The following LRP8 variants were observed in gnomAD, a reference collection of about 807,000 sequenced individuals.
LRP8 encodes low-density lipoprotein receptor-related protein 8.
In LRP8, 46 loss-of-function variants were observed where a neutral mutation model predicts 111.6. That is an observed-to-expected ratio of 0.41 (90% CI 0.33 to 0.53). The LOEUF (loss-of-function observed/expected upper bound fraction) is 0.53. Ranked by LOEUF, LRP8 falls within the 20% of genes least tolerant of loss-of-function variation. The pLI is 0.20. For missense variants in LRP8, 959 were observed against 1,297.4 expected (o/e 0.74, Z 4.01); for synonymous variants, 464 against 511.2 (o/e 0.91, Z 1.24).
Position 53,275,999 on chromosome 1 carries a change from C to T in LRP8, c.884-246G>A, listed in dbSNP as rs1189902112. On this transcript the variant is annotated intron_variant, in intron 5 of 18. Coordinates refer to ENST00000306052, the MANE Select transcript of LRP8 (RefSeq NM_004631.5). This position sits in a 1 kb window ranked among gnomAD's most constrained non-coding sequence, Gnocchi z 4.4. Reference sequence around the variant, plus strand: ...CTGGCTGGCAGATTCAGGACTAAACCCAGATCTCCTGTTTCCCTGTCCCTG... The same window carrying T: ...CTGGCTGGCAGATTCAGGACTAAACTCAGATCTCCTGTTTCCCTGTCCCTG... Among the ~76,000 whole-genome samples the T allele has an allele frequency of 6.6e-6, 1 of 152,146 alleles. No homozygotes were observed. Among genetic ancestry groups the T allele is most frequent in the East Asian group, 1.9e-4 (1 of 5,154 alleles).
In LRP8 at chr1:53,293,607, C is replaced by T. The variant is rs1649174765; in HGVS notation, c.245-3918G>A. On this transcript the variant is annotated intron_variant, in intron 2 of 18. Coordinates refer to ENST00000306052, the MANE Select transcript of LRP8 (RefSeq NM_004631.5). The surrounding 1 kb of genome is among the most constrained non-coding windows in gnomAD (Gnocchi z 4.9). ...AGACCCTCAGCCACCTCAGTGTTAC[C>T]AGGCTAAGAATGAGGACCCCAGAGA... is the stretch of plus-strand genomic sequence containing the variant. 6.6e-6 allele frequency among the ~76,000 whole-genome samples: 1 copy of T among 152,190 alleles called. No homozygotes were observed. Among genetic ancestry groups the T allele is most frequent in the Non-Finnish European group, 1.5e-5 (1 of 68,028 alleles).
intron 2 of LRP8, among the ~76,000 whole-genome samples, chr1:53,302,163 G>C (rs1019795291): frequency 6.6e-6 from 1 of 152,166 alleles, no homozygotes. Context: ...GCAGTAGTAG[G>C]GGCTGAGGAA....
At chr1:53,298,780 G>T (rs78642063) in intron 2 of LRP8, among the ~76,000 whole-genome samples, 2 of 152,300 alleles carry the variant, frequency 1.3e-5, no homozygotes, top group African/African-American at 2.4e-5. Context: ...CCACAGCTCC[G>T]CCTCCCTTGG....
chr1:53,287,975 A>T (rs1479596329), intron 3 of LRP8: 1 of 101,230 alleles, frequency 9.9e-6, no homozygotes, highest in Non-Finnish European at 1.8e-5. Context: ...ACAAAGAGAT[A>T]GAGACGGGGG....
At chr1:53,257,615 C>A (rs1479853923) in intron 14 of LRP8, 151 bp from the exon 15 acceptor site, 9 of 630,694 alleles carry the variant, frequency 1.4e-5, no homozygotes, top group Non-Finnish European at 2.6e-5. Flanking sequence ...GGGCTATGAT[C>A]TTTTCTTTAG....
intron 18 of LRP8, among the ~76,000 whole-genome samples, chr1:53,248,790 T>C (rs1477136010): frequency 6.6e-6 from 1 of 152,228 alleles, no homozygotes; most frequent in Non-Finnish European, 1.5e-5. Context: ...CCTGAGTCAT[T>C]TCTTTCTCTG....
In LRP8 at chr1:53,266,707, C is replaced by T; in HGVS notation, c.1253-60G>A. The T allele has an allele frequency of 6.6e-7, 1 of 1,506,952 alleles. No individual in the cohort carries two copies. The allele number at this position is 1,506,952 out of a possible 1,614,324, so 93.3% of individuals were successfully genotyped here. On this transcript the variant is annotated intron_variant, in intron 8 of 18. Coordinates refer to ENST00000306052, the MANE Select transcript of LRP8 (RefSeq NM_004631.5). The surrounding 1 kb of genome is among the most constrained non-coding windows in gnomAD (Gnocchi z 5.0). ...GTGCAAGAGGCAGGGAGCCTGGAGA[C>T]CAAGACTCTGCCACTGGCTTGCTGG... is the stretch of plus-strand genomic sequence containing the variant.
At chr1:53,282,902 C>A (rs1300028389) in intron 3 of LRP8, among the ~76,000 whole-genome samples, 2 of 152,144 alleles carry the variant, frequency 1.3e-5, no homozygotes, top group East Asian at 3.8e-4. Flanking sequence ...AAGGTCAAAG[C>A]AACTACTTAT....
At chr1:53,322,513 G>T (rs1274402873) in intron 2 of LRP8, among the ~76,000 whole-genome samples, 1 of 152,196 alleles carries the variant, frequency 6.6e-6, no homozygotes, top group African/African-American at 2.4e-5. Context: ...AGCTAATTTG[G>T]TGTCACAGGC....
In LRP8 at chr1:53,276,605, T is replaced by A. The variant is rs1646926119; in HGVS notation, c.883+87A>T. ...CGGGTAATGTATTCAGGTAAGGCAATGAAAGGAAGCCTGCACCTGGCGGAT... is the reference window on the plus strand; with the variant it reads ...CGGGTAATGTATTCAGGTAAGGCAAAGAAAGGAAGCCTGCACCTGGCGGAT... On this transcript the variant is annotated intron_variant, in intron 5 of 18. Transcript: ENST00000306052. The A allele has an allele frequency of 9.8e-6, 11 of 1,124,302 alleles. No homozygotes were observed. In the South Asian group the frequency reaches 1.7e-4, roughly 18 times the overall value. The allele number at this position is 1,124,302 out of a possible 1,614,324, so 69.6% of individuals were successfully genotyped here.
At chr1:53,299,677 T>C (rs1223946077) in intron 2 of LRP8, among the ~76,000 whole-genome samples, 1 of 152,242 alleles carries the variant, frequency 6.6e-6, no homozygotes, top group Non-Finnish European at 1.5e-5. Context: ...CTCTGTGATA[T>C]CGCTGAGGCC....
rs942241300 is a variant in LRP8 at position 53,261,960 on chromosome 1, C to T, written c.1914+108G>A. The T allele has an allele frequency of 3.7e-6, 5 of 1,340,798 alleles. No individual in the cohort carries two copies. In the African/African-American group the frequency reaches 5.9e-5, roughly 16 times the overall value. The allele number at this position is 1,340,798 out of a possible 1,614,324, so 83.1% of individuals were successfully genotyped here. ...TTTACAAACAAATCAGTTGGTTTCC[C>T]TGTTCCTGTTTTCATTTGAACAAGT... is the stretch of plus-strand genomic sequence containing the variant. On this transcript the variant is annotated intron_variant, in intron 12 of 18. Coordinates refer to ENST00000306052, the MANE Select transcript of LRP8 (RefSeq NM_004631.5).
intron 6 of LRP8, among the ~76,000 whole-genome samples, chr1:53,272,869 A>G (rs1646803499): frequency 6.6e-6 from 1 of 152,110 alleles, no homozygotes; most frequent in Admixed American, 6.5e-5. Flanking sequence ...TGCCCCCATC[A>G]TGCATCCACT....
intron 2 of LRP8, among the ~76,000 whole-genome samples, chr1:53,322,559 G>A (rs900858992): frequency 1.3e-5 from 2 of 152,152 alleles, no homozygotes; most frequent in Non-Finnish European, 2.9e-5. Flanking sequence ...GCAGGGAAGT[G>A]GGTAACAGGA....
intron 3 of LRP8, among the ~76,000 whole-genome samples, chr1:53,288,899 TG>T (rs1254207401): frequency 6.6e-6 from 1 of 152,158 alleles, no homozygotes; most frequent in African/African-American, 2.4e-5. Flanking sequence ...AAATAAATCA[TG>T]GAGAGACAAA....
chr1:53,263,905 C>T (rs1646444795), intron 10 of LRP8, among the ~76,000 whole-genome samples: 1 of 152,168 alleles, frequency 6.6e-6, no homozygotes, highest in Non-Finnish European at 1.5e-5. Flanking sequence ...CCCCCAGGAG[C>T]TTCTATCAGG....
intron 1 of LRP8, chr1:53,327,264 A>T (rs114458952): frequency 2.1e-6 from 1 of 475,270 alleles, no homozygotes; most frequent in African/African-American, 2.0e-5. Context: ...TCACCCGCAC[A>T]CGCGACCCAT....
At chr1:53,271,492 G>T in intron 6 of LRP8, 146 bp from the exon 7 acceptor site, 1 of 851,234 alleles carries the variant, frequency 1.2e-6, no homozygotes, top group Non-Finnish European at 1.8e-6. Context: ...CTGAGCCTCA[G>T]CCTCATCTAC....
rs1318874863 is a variant in LRP8, at chr1:53,317,329, G to A, written c.244+9544C>T. ...TCTCTGATGTTAGCCTGGACCCACTGGGGAACCAAGGCCCCACGTGGCTAA... is the reference window on the plus strand; with the variant it reads ...TCTCTGATGTTAGCCTGGACCCACTAGGGAACCAAGGCCCCACGTGGCTAA... On this transcript the variant is annotated intron_variant, in intron 2 of 18. Transcript: ENST00000306052. The surrounding 1 kb of genome is among the most constrained non-coding windows in gnomAD (Gnocchi z 4.9). Among the ~76,000 whole-genome samples, 1 of 152,184 alleles carries A rather than the reference G, an allele frequency of 6.6e-6. No individual in the cohort carries two copies. The highest frequency in any genetic ancestry group is 6.5e-5 in the Admixed American group (1 of 15,288).
Sources: gnomAD v4.1 joint callset for allele counts (sites outside exome capture counted in the v4.1 genomes callset) on GRCh38, gnomAD v4.1.1 for gene constraint, Gnocchi (gnomAD v3.1) non-coding constraint, MANE v1.5 for transcripts, NCBI Gene and HGNC (gene_info 2026-07-23, HGNC 2026-07-21) for gene names.